UGGT2: variants seen among roughly 807,000 people sequenced by gnomAD.
UGGT2 encodes the protein UDP-glucose:glycoprotein glucosyltransferase 2.
In UGGT2, 180 loss-of-function variants were observed where a neutral mutation model predicts 192.1. That is an observed-to-expected ratio of 0.94 (90% CI 0.83 to 1.06). The LOEUF is 1.06. Ranked by LOEUF, UGGT2 falls within the 50% of genes least tolerant of loss-of-function variation. UGGT2 has a pLI of 0.00. For synonymous variants in UGGT2, 580 were observed against 591.0 expected (o/e 0.98, Z 0.27); for missense variants, 1,849 against 1,795.7 (o/e 1.03, Z -0.54).
intron 5 of UGGT2, among the ~76,000 whole-genome samples, chr13:96,006,843 A>G (rs1427939223): frequency 6.6e-6 from 1 of 152,144 alleles, no homozygotes. Context: ...ATGCCTCAGG[A>G]CAAAGACAAA....
At chr13:96,039,236 T>C (rs1358876462) in intron 1 of UGGT2, among the ~76,000 whole-genome samples, 2 of 121,146 alleles carry the variant, frequency 1.7e-5, no homozygotes, top group Non-Finnish European at 3.8e-5. Flanking sequence ...CAAGTAGCTC[T>C]ATAGTCCATT....
chr13:95,972,522 G>T, intron 11 of UGGT2, 58 bp downstream of exon 11: 1 of 1,372,630 alleles, frequency 7.3e-7, no homozygotes, highest in Non-Finnish European at 1.0e-6. Flanking sequence ...CTAAATTCAA[G>T]ACAATGTTTA....
chr13:95,827,014 T>G (rs1474607703), intron 38 of UGGT2, among the ~76,000 whole-genome samples: 1 of 151,992 alleles, frequency 6.6e-6, no homozygotes, highest in African/African-American at 2.4e-5. Flanking sequence ...TGGAACGGAA[T>G]AAAAAGGGCC....
intron 16 of UGGT2, among the ~76,000 whole-genome samples, chr13:95,938,253 C>G (rs1233470945): frequency 6.6e-6 from 1 of 152,112 alleles, no homozygotes; most frequent in Non-Finnish European, 1.5e-5. Context: ...ATATGGGGGA[C>G]AGCTGTCAGA....
chr13:95,909,136 G>A (rs1215286015), intron 20 of UGGT2, among the ~76,000 whole-genome samples: 2 of 152,162 alleles, frequency 1.3e-5, no homozygotes, highest in Middle Eastern at 3.4e-3. Context: ...AAGGTGTAAG[G>A]AAGGGATCCA....
intron 17 of UGGT2, among the ~76,000 whole-genome samples, chr13:95,935,076 A>G (rs1397333100): frequency 2.0e-5 from 3 of 151,784 alleles, no homozygotes; most frequent in Non-Finnish European, 4.4e-5. Flanking sequence ...TGTTTGCATG[A>G]TAATTCTCAA....
At chr13:95,978,539 C>T (rs907526375) in intron 10 of UGGT2, among the ~76,000 whole-genome samples, 16 of 152,084 alleles carry the variant, frequency 1.1e-4, no homozygotes, top group African/African-American at 3.6e-4. Context: ...GATATGATCC[C>T]ATTTGTCCAA....
At chr13:95,993,562 G>T (rs1416656627) in intron 7 of UGGT2, among the ~76,000 whole-genome samples, 1 of 152,122 alleles carries the variant, frequency 6.6e-6, no homozygotes, top group Non-Finnish European at 1.5e-5. Context: ...ATTGTTAGCT[G>T]CTAAATAAAT....
intron 19 of UGGT2, among the ~76,000 whole-genome samples, chr13:95,926,554 C>T (rs1480907507): frequency 1.3e-5 from 2 of 152,166 alleles, no homozygotes; most frequent in African/African-American, 4.8e-5. Flanking sequence ...GTTAATTGTA[C>T]CCTAACAAAT....
chr13:95,832,151 G>C (rs1171839253), intron 38 of UGGT2, among the ~76,000 whole-genome samples: 1 of 151,136 alleles, frequency 6.6e-6, no homozygotes, highest in Admixed American at 6.6e-5. Flanking sequence ...AGGAAAATGA[G>C]AACTGTATTC....
At chr13:95,940,728 T>C (rs1425495736) in intron 15 of UGGT2, among the ~76,000 whole-genome samples, 1 of 151,028 alleles carries the variant, frequency 6.6e-6, no homozygotes, top group African/African-American at 2.4e-5. Context: ...GGGCTTGGCT[T>C]ACAGGAACTT....
At chr13:95,831,874 C>T (rs1886731065) in intron 38 of UGGT2, among the ~76,000 whole-genome samples, 1 of 151,650 alleles carries the variant, frequency 6.6e-6, no homozygotes, top group African/African-American at 2.4e-5. Flanking sequence ...TCCCTCCTCC[C>T]TTTGTCATCC....
chr13:95,985,136 C>T (rs983350178), intron 9 of UGGT2: 14 of 506,674 alleles, frequency 2.8e-5, no homozygotes, highest in Non-Finnish European at 4.2e-5. Context: ...ACTGTCTGAT[C>T]AAGACTAAAG....
intron 31 of UGGT2, among the ~76,000 whole-genome samples, chr13:95,863,016 T>C (rs1200421891): frequency 1.3e-5 from 2 of 151,982 alleles, no homozygotes; most frequent in African/African-American, 4.8e-5. Context: ...ATACATGCCA[T>C]CACAACAGGC....
chr13:96,012,003 G>A (rs572064214), intron 5 of UGGT2, among the ~76,000 whole-genome samples: 6 of 152,092 alleles, frequency 3.9e-5, no homozygotes, highest in Admixed American at 6.5e-5. Flanking sequence ...AACAGCCAAG[G>A]TATTTAGAAA....
chr13:95,954,105 G>A (rs1393185303), intron 12 of UGGT2, among the ~76,000 whole-genome samples: 2 of 151,988 alleles, frequency 1.3e-5, no homozygotes, highest in African/African-American at 2.4e-5. Context: ...GTTTTCTGAT[G>A]GCTCAAGTAC....
chr13:95,838,206 T>A (rs963023686), intron 36 of UGGT2, among the ~76,000 whole-genome samples: 29 of 152,138 alleles, frequency 1.9e-4, no homozygotes, highest in Non-Finnish European at 1.5e-5. Flanking sequence ...ACCATTTACA[T>A]TAGCACCGAA....
At chr13:95,955,356 G>T (rs999339809) in intron 12 of UGGT2, among the ~76,000 whole-genome samples, 1 of 152,036 alleles carries the variant, frequency 6.6e-6, no homozygotes, top group Non-Finnish European at 1.5e-5. Flanking sequence ...GTTGCAATAG[G>T]CCAAAAAGGT....
intron 19 of UGGT2, 145 bp downstream of exon 19, chr13:95,926,883 A>G (rs1018298336): frequency 3.1e-5 from 22 of 718,864 alleles, no homozygotes; most frequent in Non-Finnish European, 4.4e-5. Context: ...CACGTTAAAT[A>G]CTAAAAAATT....
Sources: allele counts gnomAD v4.1 joint callset (sites outside exome capture counted in the v4.1 genomes callset), GRCh38; gene constraint gnomAD v4.1.1; transcripts MANE v1.5; gene names NCBI Gene and HGNC (gene_info 2026-07-23, HGNC 2026-07-21).